Variants in TSPAN13 observed in about 807,000 individuals in gnomAD.
TSPAN13 encodes tetraspanin 13.
In TSPAN13, 18 loss-of-function variants were observed where a neutral mutation model predicts 26.9. That is an observed-to-expected ratio of 0.67 (90% CI 0.46 to 0.99). The LOEUF (loss-of-function observed/expected upper bound fraction) is 0.99. Among genes scored for constraint, TSPAN13 ranks in the 50% least tolerant of loss-of-function variants. The pLI is 0.00. For synonymous variants in TSPAN13, 116 were observed against 98.4 expected, an observed-to-expected ratio of 1.18 and a Z score of -1.06; for missense variants, 201 against 249.6, an observed-to-expected ratio of 0.81 and a Z score of 1.31.
At chr7:16,756,384 T>C (rs1248667959) in intron 1 of TSPAN13, among the ~76,000 whole-genome samples, 2 of 152,224 alleles carry the variant, frequency 1.3e-5, no homozygotes, top group Non-Finnish European at 2.9e-5. Flanking sequence ...CTAAAAGTGT[T>C]GGTTAAACCA....
intron 1 of TSPAN13, among the ~76,000 whole-genome samples, chr7:16,762,607 G>A (rs1394155982): frequency 2.0e-5 from 3 of 152,146 alleles, no homozygotes; most frequent in Admixed American, 6.5e-5. Flanking sequence ...GAGTTTAGCC[G>A]GAAGTAATAG....
At chr7:16,776,709 T>G (rs1049525982) in intron 2 of TSPAN13, among the ~76,000 whole-genome samples, 2 of 152,144 alleles carry the variant, frequency 1.3e-5, no homozygotes, top group East Asian at 3.9e-4. Context: ...ATTTCAGTGT[T>G]TTTTTTAGAC....
At chr7:16,766,483 C>T (rs551932378) in intron 1 of TSPAN13, among the ~76,000 whole-genome samples, 1 of 152,196 alleles carries the variant, frequency 6.6e-6, no homozygotes, top group East Asian at 1.9e-4. Context: ...ACTTTTGAAA[C>T]CATCTGAGTG....
chr7:16,783,270 A>G (rs1330769123), intron 5 of TSPAN13, 147 bp from the exon 6 acceptor site: 1 of 762,852 alleles, frequency 1.3e-6, no homozygotes, highest in Non-Finnish European at 2.1e-6. Context: ...GGTTTACTTC[A>G]TTTCAAAAAG....
intron 1 of TSPAN13, among the ~76,000 whole-genome samples, chr7:16,756,907 G>T (rs818806): frequency 0.85 from 129,133 of 152,210 alleles, 55,169 homozygotes; most frequent in East Asian, 1. Context: ...CAAACAGGGC[G>T]TAAAAATCAA....
chr7:16,758,287 G>T lies in TSPAN13; in HGVS notation c.63+4257G>T, dbSNP rs565847629. On this transcript the variant is annotated intron_variant, in intron 1 of 5. Transcript: ENST00000262067. ...TGTCCATACAAATTATGGGAAGAAA[G>T]ATCACTGGATTTATGAAGAAAACTG... Among the ~76,000 whole-genome samples the T allele has an allele frequency of 2.6e-5, 4 of 152,288 alleles. No individual in the cohort carries two copies. In the South Asian group the frequency reaches 6.2e-4, roughly 24 times the overall value.
intron 1 of TSPAN13, among the ~76,000 whole-genome samples, chr7:16,774,388 G>A (rs1395570056): frequency 6.6e-6 from 1 of 152,174 alleles, no homozygotes; most frequent in East Asian, 1.9e-4. Flanking sequence ...GTACCATGAT[G>A]CAGCAAGGAT....
At chr7:16,762,800 C>T (rs1784559062) in intron 1 of TSPAN13, among the ~76,000 whole-genome samples, 1 of 152,076 alleles carries the variant, frequency 6.6e-6, no homozygotes, top group African/African-American at 2.4e-5. Flanking sequence ...CTCTAGGTAC[C>T]ATGAATTGTT....
intron 5 of TSPAN13, among the ~76,000 whole-genome samples, chr7:16,783,172 G>C (rs535316520): frequency 6.6e-6 from 1 of 152,114 alleles, no homozygotes; most frequent in African/African-American, 2.4e-5. Context: ...TTTGCAGGTC[G>C]TAGGGGTTAG....
At chr7:16,770,679 G>GT (rs1784664069) in intron 1 of TSPAN13, among the ~76,000 whole-genome samples, 1 of 152,008 alleles carries the variant, frequency 6.6e-6, no homozygotes, top group Admixed American at 6.6e-5. Context: ...TGGCAGCAAT[G>GT]TTTTTATTTT....
intron 1 of TSPAN13, 64 bp from the exon 2 acceptor site, chr7:16,776,147 G>T: frequency 6.6e-7 from 1 of 1,520,308 alleles, no homozygotes; most frequent in Non-Finnish European, 9.0e-7. Context: ...TAATTAACTG[G>T]CATTTTCCCC....
intron 1 of TSPAN13, among the ~76,000 whole-genome samples, chr7:16,758,109 A>C (rs1784502629): frequency 6.6e-6 from 1 of 152,140 alleles, no homozygotes; most frequent in Non-Finnish European, 1.5e-5. Flanking sequence ...TGCTGGGATT[A>C]CAAGCATGAG....
chr7:16,754,744 C>A (rs1784463442), intron 1 of TSPAN13, among the ~76,000 whole-genome samples: 1 of 152,166 alleles, frequency 6.6e-6, no homozygotes, highest in Admixed American at 6.5e-5. Context: ...TCTTTCCCTG[C>A]CAACCAGCTT....
At chr7:16,765,842 C>A (rs1005875687) in intron 1 of TSPAN13, among the ~76,000 whole-genome samples, 2 of 152,136 alleles carry the variant, frequency 1.3e-5, no homozygotes, top group African/African-American at 4.8e-5. Flanking sequence ...ACAAAAGATT[C>A]TTTGGAGTTC....
At chr7:16,764,713 G>T (rs1010587486) in intron 1 of TSPAN13, among the ~76,000 whole-genome samples, 1 of 151,898 alleles carries the variant, frequency 6.6e-6, no homozygotes, top group East Asian at 1.9e-4. Flanking sequence ...TATAAAGCAA[G>T]AACTACAATT....
chr7:16,766,054 T>G (rs1421196245), intron 1 of TSPAN13, among the ~76,000 whole-genome samples: 1 of 152,190 alleles, frequency 6.6e-6, no homozygotes, highest in Non-Finnish European at 1.5e-5. Flanking sequence ...AAAGTCTCCT[T>G]TTTAGTAAAG....
intron 5 of TSPAN13, among the ~76,000 whole-genome samples, chr7:16,781,364 A>G (rs969381202): frequency 3.9e-5 from 6 of 152,178 alleles, no homozygotes; most frequent in Non-Finnish European, 7.4e-5. Context: ...TGAGCAATAT[A>G]TTTTGGTGAC....
Position 16,784,275 on chromosome 7 carries a change from T to G in TSPAN13, c.*784T>G, listed in dbSNP as rs906567153. On this transcript the variant is annotated 3_prime_UTR_variant, in exon 6 of 6. Coordinates refer to ENST00000262067, the MANE Select transcript of TSPAN13 (RefSeq NM_014399.4). ...CTAAAAGACTGCATTTTTAAACAAG[T>G]TAGTATTAATGCGTTGGCCCACGTA... is the stretch of plus-strand genomic sequence containing the variant. 2.6e-5 allele frequency: 4 copies of G among 152,254 alleles called. No homozygotes were observed. The highest frequency in any genetic ancestry group is 5.9e-5 in the Non-Finnish European group (4 of 68,012). The allele number at this position is 152,254 out of a possible 1,614,324, so 9.4% of individuals were successfully genotyped here.
intron 3 of TSPAN13, among the ~76,000 whole-genome samples, chr7:16,777,473 C>T (rs112739833): frequency 9.2e-5 from 14 of 152,132 alleles, no homozygotes; most frequent in South Asian, 2.1e-4. Context: ...AGCTCTAATT[C>T]GTAGACAAAT....
Sources: gnomAD v4.1 joint callset for allele counts (sites outside exome capture counted in the v4.1 genomes callset) on GRCh38, gnomAD v4.1.1 for gene constraint, MANE v1.5 for transcripts, NCBI Gene and HGNC (gene_info 2026-07-23, HGNC 2026-07-21) for gene names.